Variants in BRINP3 observed in about 807,000 individuals in gnomAD.
BRINP3 encodes BMP/retinoic acid inducible neural specific 3.
Under a neutral mutation model 71.0 loss-of-function variants are expected in BRINP3, and 19 were observed. The ratio of observed to expected loss-of-function variants is 0.27; its 90% CI spans 0.19 to 0.39. BRINP3 has a LOEUF of 0.39. Ranked by LOEUF, BRINP3 falls within the 10% of genes least tolerant of loss-of-function variation. The pLI is 1.00. For missense variants in BRINP3, 959 were observed against 940.8 expected (o/e 1.02, Z -0.25); for synonymous variants, 380 against 337.7 (o/e 1.13, Z -1.37).
intron 3 of BRINP3, among the ~76,000 whole-genome samples, chr1:190,272,541 T>C (rs1409834198): frequency 1.3e-5 from 2 of 151,530 alleles, no homozygotes; most frequent in East Asian, 3.9e-4. Flanking sequence ...ATAAATGTTA[T>C]CTTTCTCTCT....
At chr1:190,320,016 G>C (rs1323377337) in intron 2 of BRINP3, among the ~76,000 whole-genome samples, 1 of 149,656 alleles carries the variant, frequency 6.7e-6, no homozygotes, top group South Asian at 2.1e-4. Flanking sequence ...TGTGATATAC[G>C]TGTGTGTGTG....
At chr1:190,349,075 C>T (rs183861857) in intron 2 of BRINP3, among the ~76,000 whole-genome samples, 48 of 152,110 alleles carry the variant, frequency 3.2e-4, no homozygotes, top group Middle Eastern at 6.8e-3. Flanking sequence ...GTATGTTGAT[C>T]GGCCAGTGCA....
At position 190,350,822 on chromosome 1, in the gene BRINP3, G is replaced by GT. The variant is rs35410824; in HGVS notation, c.237-69073dup. Among the ~76,000 whole-genome samples the GT allele has an allele frequency of 7.6e-3, 1,014 of 133,024 alleles. 9 individuals are homozygous for GT. The highest frequency in any genetic ancestry group is 0.021 in the African/African-American group (757 of 36,212). The allele number at this position is 133,024 out of a possible 152,430, so 87.3% of individuals were successfully genotyped here. On this transcript the variant is annotated intron_variant, in intron 2 of 7. Coordinates refer to ENST00000367462, the MANE Select transcript of BRINP3 (RefSeq NM_199051.3). The stretch of plus-strand genomic sequence containing the variant: ...AGCCAGAATCAATCAAGTTCACCTT[G>GT]TTTTTTTTTTTTTTTTTTAGACTGT...
chr1:190,110,886 C>A (rs530196431), intron 7 of BRINP3, among the ~76,000 whole-genome samples: 1 of 152,210 alleles, frequency 6.6e-6, no homozygotes, highest in South Asian at 2.1e-4. Flanking sequence ...ATTCTTCTAG[C>A]ACAAGATAAA....
intron 3 of BRINP3, among the ~76,000 whole-genome samples, chr1:190,277,194 T>C (rs1404511691): frequency 6.7e-6 from 1 of 148,156 alleles, no homozygotes; most frequent in Non-Finnish European, 1.5e-5. Context: ...ATCCTCACTG[T>C]TAACATGTGT....
chr1:190,234,224 T>C, intron 5 of BRINP3, 148 bp downstream of exon 5: 1 of 471,696 alleles, frequency 2.1e-6, no homozygotes, highest in Non-Finnish European at 3.7e-6. Context: ...TATTTTCTTG[T>C]ATCAGTTAAA....
chr1:190,429,362 C>A (rs1447308313), intron 2 of BRINP3, among the ~76,000 whole-genome samples: 1 of 151,958 alleles, frequency 6.6e-6, no homozygotes, highest in Non-Finnish European at 1.5e-5. Context: ...ACTATGCAAC[C>A]ACTACAAAAA....
At chr1:190,294,562 C>T (rs865781121) in intron 2 of BRINP3, among the ~76,000 whole-genome samples, 1 of 152,092 alleles carries the variant, frequency 6.6e-6, no homozygotes, top group African/African-American at 2.4e-5. Context: ...CTCAAAACAG[C>T]TATTTTCAGT....
At chr1:190,189,374 C>A (rs914776968) in intron 6 of BRINP3, among the ~76,000 whole-genome samples, 7 of 152,140 alleles carry the variant, frequency 4.6e-5, no homozygotes, top group African/African-American at 1.7e-4. Context: ...CTTAGTAGGT[C>A]TAATGTATAA....
chr1:190,247,130 A>G (rs1424397298), intron 4 of BRINP3, among the ~76,000 whole-genome samples: 1 of 151,990 alleles, frequency 6.6e-6, no homozygotes, highest in African/African-American at 2.4e-5. Flanking sequence ...TTTCTAGCAC[A>G]GAGCATGAAG....
intron 2 of BRINP3, among the ~76,000 whole-genome samples, chr1:190,448,462 T>G (rs74130767): frequency 7.4e-4 from 88 of 118,546 alleles, no homozygotes; most frequent in African/African-American, 2.5e-3. Flanking sequence ...ACACTTGGGG[T>G]TTGTGTGTGT....
intron 6 of BRINP3, among the ~76,000 whole-genome samples, chr1:190,187,096 T>C (rs990990918): frequency 5.3e-5 from 8 of 152,132 alleles, no homozygotes; most frequent in Non-Finnish European, 1.2e-4. Context: ...AGTACTATTA[T>C]ATATGTATTT....
intron 2 of BRINP3, among the ~76,000 whole-genome samples, chr1:190,335,017 T>C (rs1667198210): frequency 6.6e-6 from 1 of 151,870 alleles, no homozygotes; most frequent in South Asian, 2.1e-4. Context: ...TTTAAAGATA[T>C]TGCCTATTTT....
intron 6 of BRINP3, 38 bp from the exon 7 acceptor site, chr1:190,160,928 C>A (rs1403580539): frequency 2.1e-6 from 3 of 1,460,734 alleles, no homozygotes; most frequent in Non-Finnish European, 2.8e-6. Context: ...AATTATGAAA[C>A]AATTATTTTT....
chr1:190,166,470 A>G (rs572543156), intron 6 of BRINP3, among the ~76,000 whole-genome samples: 1 of 152,300 alleles, frequency 6.6e-6, no homozygotes, highest in East Asian at 1.9e-4. Flanking sequence ...ATCTCTTAGA[A>G]GCTGGAAAAC....
At chr1:190,215,094 G>GAA (rs5779515) in intron 6 of BRINP3, among the ~76,000 whole-genome samples, 5 of 131,778 alleles carry the variant, frequency 3.8e-5, no homozygotes, top group Admixed American at 2.3e-4. Flanking sequence ...TAGCTATTAT[G>GAA]AAAAAAAAAA....
intron 6 of BRINP3, among the ~76,000 whole-genome samples, chr1:190,218,142 G>C (rs1644692072): frequency 6.6e-6 from 1 of 151,510 alleles, no homozygotes; most frequent in South Asian, 2.1e-4. Context: ...CGGGCTCCTA[G>C]ATAAAGAAAT....
At chr1:190,318,617 T>C (rs959973800) in intron 2 of BRINP3, among the ~76,000 whole-genome samples, 1 of 152,100 alleles carries the variant, frequency 6.6e-6, no homozygotes, top group African/African-American at 2.4e-5. Context: ...CTATTTTTTT[T>C]CCTCTTGTTT....
At chr1:190,188,809 G>A (rs1179099619) in intron 6 of BRINP3, among the ~76,000 whole-genome samples, 1 of 151,570 alleles carries the variant, frequency 6.6e-6, no homozygotes, top group Non-Finnish European at 1.5e-5. Flanking sequence ...TGCCCAGGCT[G>A]GAGTGCAATG....
Sources: gnomAD v4.1 joint callset for allele counts (sites outside exome capture counted in the v4.1 genomes callset) on GRCh38, gnomAD v4.1.1 for gene constraint, MANE v1.5 for transcripts, NCBI Gene and HGNC (gene_info 2026-07-23, HGNC 2026-07-21) for gene names.